The following ATRNL1 variants were observed in gnomAD, a reference collection of about 807,000 sequenced individuals.
The protein encoded by ATRNL1 is attractin like 1.
A neutral mutation model predicts 182.7 loss-of-function variants in ATRNL1; 95 were observed. The ratio of observed to expected loss-of-function variants is 0.52; its 90% CI spans 0.44 to 0.62. The LOEUF (loss-of-function observed/expected upper bound fraction) is 0.62. Among genes scored for constraint, ATRNL1 ranks in the 20% least tolerant of loss-of-function variants. The probability of loss-of-function intolerance (pLI) is 0.00; values close to 1 mark genes in which losing one functional copy is unlikely to be tolerated. For missense variants in ATRNL1, 1,471 were observed against 1,679.5 expected (o/e 0.88, Z 2.17); for synonymous variants, 576 against 568.3 (o/e 1.01, Z -0.19).
chr10:115,411,648 A>C (rs1554959924), intron 20 of ATRNL1, among the ~76,000 whole-genome samples: 1 of 152,110 alleles, frequency 6.6e-6, no homozygotes, highest in African/African-American at 2.4e-5. Context: ...CTGAGTTTTT[A>C]AAATATTATT....
At chr10:115,788,611 A>C (rs1333138256) in intron 27 of ATRNL1, among the ~76,000 whole-genome samples, 1 of 152,230 alleles carries the variant, frequency 6.6e-6, no homozygotes, top group Non-Finnish European at 1.5e-5. Context: ...GCAGGTAATT[A>C]GAAAAGCAAT....
chr10:115,689,196 A>G (rs1555047288), intron 26 of ATRNL1, among the ~76,000 whole-genome samples: 1 of 152,102 alleles, frequency 6.6e-6, no homozygotes. Context: ...TGCCTTGTTT[A>G]CCATAACCTT....
chr10:115,296,031 G>A (rs1853169142), intron 15 of ATRNL1, among the ~76,000 whole-genome samples: 1 of 152,138 alleles, frequency 6.6e-6, no homozygotes, highest in African/African-American at 2.4e-5. Context: ...TTAATTGAGG[G>A]CAATGCAGCT....
intron 19 of ATRNL1, among the ~76,000 whole-genome samples, chr10:115,363,898 A>G (rs1297403390): frequency 3.4e-4 from 51 of 150,794 alleles, no homozygotes; most frequent in African/African-American, 1.0e-3. Context: ...TGGTACCAGT[A>G]CCATGCTGTT....
intron 22 of ATRNL1, 90 bp downstream of exon 22, chr10:115,462,125 T>C: frequency 1.1e-6 from 1 of 875,738 alleles, no homozygotes; most frequent in Non-Finnish European, 1.7e-6. Context: ...CTCAGAATTA[T>C]CACATTGTAG....
chr10:115,391,691 G>A (rs904291665), intron 19 of ATRNL1, among the ~76,000 whole-genome samples: 1 of 151,796 alleles, frequency 6.6e-6, no homozygotes, highest in Non-Finnish European at 1.5e-5. Flanking sequence ...CTGTTGGGAA[G>A]GTATTATGAT....
At chr10:115,356,000 T>C (rs1554942713) in intron 19 of ATRNL1, among the ~76,000 whole-genome samples, 2 of 152,154 alleles carry the variant, frequency 1.3e-5, no homozygotes, top group Non-Finnish European at 2.9e-5. Context: ...TTTGGCATAC[T>C]GTGACTATCT....
At chr10:115,680,378 T>C (rs782079062) in intron 26 of ATRNL1, among the ~76,000 whole-genome samples, 25 of 151,912 alleles carry the variant, frequency 1.6e-4, no homozygotes, top group Non-Finnish European at 3.5e-4. Flanking sequence ...ACCTGGAGAG[T>C]TGACATCTTC....
chr10:115,235,514 A>G (rs1271595776), intron 9 of ATRNL1, among the ~76,000 whole-genome samples: 2 of 151,840 alleles, frequency 1.3e-5, no homozygotes, highest in African/African-American at 2.4e-5. Context: ...TCTTTCACTT[A>G]TTGTAATTTT....
At chr10:115,333,641 T>C (rs907270849) in intron 18 of ATRNL1, among the ~76,000 whole-genome samples, 8 of 151,896 alleles carry the variant, frequency 5.3e-5, no homozygotes, top group Admixed American at 4.6e-4. Flanking sequence ...TGCACCACCA[T>C]GCCCAGCTAA....
At chr10:115,796,151 A>G (rs1053368764) in intron 27 of ATRNL1, among the ~76,000 whole-genome samples, 1 of 150,512 alleles carries the variant, frequency 6.6e-6, no homozygotes. Flanking sequence ...CAGACACTTC[A>G]TGCCAGGCTG....
intron 8 of ATRNL1, among the ~76,000 whole-genome samples, chr10:115,203,745 A>ATTTTTTTTTTTTTTTT (rs71476116): frequency 9.4e-6 from 1 of 106,050 alleles, no homozygotes; most frequent in Non-Finnish European, 1.8e-5. Flanking sequence ...ATGCCTGGCT[A>ATTTTTTTTTTTTTTTT]TTTTTTTTTT....
intron 19 of ATRNL1, among the ~76,000 whole-genome samples, chr10:115,377,142 G>A (rs1325090636): frequency 6.6e-6 from 1 of 152,032 alleles, no homozygotes; most frequent in Non-Finnish European, 1.5e-5. Flanking sequence ...TGTTGGTATG[G>A]TTTGGCTGTG....
intron 5 of ATRNL1, among the ~76,000 whole-genome samples, chr10:115,140,203 C>T (rs1845701528): frequency 6.6e-6 from 1 of 152,002 alleles, no homozygotes; most frequent in Non-Finnish European, 1.5e-5. Context: ...ACCGTGGCTG[C>T]CTAGAGATAT....
chr10:115,487,254 GT>G (rs534069699), intron 24 of ATRNL1, among the ~76,000 whole-genome samples: 6 of 151,460 alleles, frequency 4.0e-5, no homozygotes, highest in Admixed American at 6.6e-5. Flanking sequence ...ATTTAAAGTA[GT>G]TTTTTTTTCC....
At chr10:115,423,546 G>GAACA (rs544973660) in intron 20 of ATRNL1, among the ~76,000 whole-genome samples, 5 of 151,712 alleles carry the variant, frequency 3.3e-5, no homozygotes, top group Non-Finnish European at 7.4e-5. Context: ...ACAAGCAAAT[G>GAACA]AACAAACAAA....
intron 18 of ATRNL1, among the ~76,000 whole-genome samples, chr10:115,318,225 G>C (rs1157193595): frequency 5.3e-5 from 8 of 152,166 alleles, no homozygotes; most frequent in Non-Finnish European, 1.5e-5. Flanking sequence ...AACTAGCCTT[G>C]CATCCCAGGG....
Position 115,467,321 on chromosome 10 carries a change from A to G in ATRNL1, c.3496+69A>G, listed in dbSNP as rs552984501. ...TCTGGAAGTTGTTCTAACATGATCT[A>G]CTGTTAATTAAATGTTTGAAATTTT... On this transcript the variant is annotated intron_variant, in intron 23 of 28. Coordinates refer to ENST00000355044, the MANE Select transcript of ATRNL1 (RefSeq NM_207303.4). 3.1e-5 allele frequency: 33 copies of G among 1,064,348 alleles called. No individual in the cohort carries two copies. In the South Asian group the frequency reaches 5.0e-4, roughly 16 times the overall value. 65.9% of individuals were successfully genotyped at this position (1,064,348 alleles called of 1,614,324 possible). A position where few individuals can be genotyped will look rare whatever the true frequency, so the allele number is the denominator to read the frequency against.
Position 115,394,687 on chromosome 10 carries a change from C to G in ATRNL1, c.3204C>G (p.Ile1068Met), listed in dbSNP as rs782106256. 1 of 1,611,712 alleles carries G rather than the reference C, an allele frequency of 6.2e-7. No individual in the cohort carries two copies. The highest frequency in any genetic ancestry group is 1.1e-5 in the South Asian group (1 of 90,936). Residue 1068 changes from isoleucine (I) to methionine (M), a missense_variant, in exon 20 of 29, where the codon ATC (isoleucine) becomes ATG (methionine). Transcript: ENST00000355044. ...TACTCSGHAN[I>M]CHLHTGKCFC... ...GTACATGCAGTGGCCATGCAAATAT[C>G]TGTCATCTGCACACAGGAAAATGTT...
Sources: allele counts gnomAD v4.1 joint callset (sites outside exome capture counted in the v4.1 genomes callset), GRCh38; gene constraint gnomAD v4.1.1; transcripts MANE v1.5; gene names NCBI Gene and HGNC (gene_info 2026-07-23, HGNC 2026-07-21).